ESR1: variants seen among roughly 807,000 people sequenced by gnomAD.
The protein encoded by ESR1 is estrogen receptor 1, also known as estrogen receptor.
A neutral mutation model predicts 52.7 loss-of-function variants in ESR1; 12 were observed. That is an observed-to-expected ratio of 0.23 (90% CI 0.15 to 0.37). The LOEUF (loss-of-function observed/expected upper bound fraction) is 0.37. Ranked by LOEUF, ESR1 falls within the 10% of genes least tolerant of loss-of-function variation. The probability of loss-of-function intolerance (pLI) is 1.00; values close to 1 mark genes in which losing one functional copy is unlikely to be tolerated. For missense variants in ESR1, 584 were observed against 779.7 expected, an observed-to-expected ratio of 0.75 and a Z score of 2.99; for synonymous variants, 305 against 316.8, an observed-to-expected ratio of 0.96 and a Z score of 0.39.
chr6:151,853,443 A>G (rs1326821452), intron 2 of ESR1, among the ~76,000 whole-genome samples: 1 of 152,158 alleles, frequency 6.6e-6, no homozygotes, highest in Non-Finnish European at 1.5e-5. Context: ...ATGCACGCAT[A>G]TATTTGAAGA....
chr6:151,697,699 C>T (rs1000555311), intron 1 of ESR1, among the ~76,000 whole-genome samples: 6 of 152,108 alleles, frequency 3.9e-5, no homozygotes, highest in Admixed American at 3.9e-4. Context: ...ACCTCATTTC[C>T]CTCACAAAAT....
At chr6:152,041,315 C>T (rs1183950097) in intron 5 of ESR1, among the ~76,000 whole-genome samples, 1 of 152,214 alleles carries the variant, frequency 6.6e-6, no homozygotes, top group Non-Finnish European at 1.5e-5. Flanking sequence ...GTTGCAGAGC[C>T]TTCTCTTCTG....
chr6:152,021,527 C>T (rs978743597), intron 5 of ESR1, among the ~76,000 whole-genome samples: 1 of 152,158 alleles, frequency 6.6e-6, no homozygotes, highest in Non-Finnish European at 1.5e-5. Flanking sequence ...GATTGTTACA[C>T]CACAGCAGAG....
chr6:151,910,483 T>G (rs1292787427), intron 3 of ESR1, among the ~76,000 whole-genome samples: 2 of 152,168 alleles, frequency 1.3e-5, no homozygotes, highest in African/African-American at 4.8e-5. Context: ...CAAACTCATT[T>G]GGTTGTGATG....
At chr6:151,951,196 T>C (rs549364041) in intron 4 of ESR1, among the ~76,000 whole-genome samples, 81 of 152,336 alleles carry the variant, frequency 5.3e-4, no homozygotes, top group African/African-American at 1.9e-3. Context: ...TTTGCATCTT[T>C]GATGCATTTG....
rs1400263543 is a variant in ESR1 at position 151,958,937 on chromosome 6, G to A, written c.1096+14429G>A. On this transcript the variant is annotated intron_variant, in intron 4 of 7. Coordinates refer to ENST00000206249, the MANE Select transcript of ESR1 (RefSeq NM_000125.4). Reference sequence around the variant, plus strand: ...ATTCAAAGATGATAAGTTTGAAGTGGAGTTCTACCGCTTCCATTGGAAGAG... The same window carrying A: ...ATTCAAAGATGATAAGTTTGAAGTGAAGTTCTACCGCTTCCATTGGAAGAG... 2.0e-5 allele frequency among the ~76,000 whole-genome samples: 3 copies of A among 150,608 alleles called. No homozygotes were observed. In the East Asian group the frequency reaches 6.0e-4, roughly 30 times the overall value.
chr6:151,949,497 A>T (rs2036088909), intron 4 of ESR1, among the ~76,000 whole-genome samples: 1 of 152,234 alleles, frequency 6.6e-6, no homozygotes, highest in Admixed American at 6.5e-5. Context: ...AGATAACATG[A>T]CATGGACATA....
chr6:151,768,576 A>G (rs2128105658), intron 2 of ESR1, among the ~76,000 whole-genome samples: 1 of 152,308 alleles, frequency 6.6e-6, no homozygotes, highest in Non-Finnish European at 1.5e-5. Context: ...CCTGACTTTG[A>G]TCAAAGCACT....
At chr6:151,683,864 ATTTTTTT>A (rs66983259) in intron 1 of ESR1, among the ~76,000 whole-genome samples, 6 of 118,476 alleles carry the variant, frequency 5.1e-5, no homozygotes, top group Non-Finnish European at 8.6e-5. Context: ...ACGTCTGGCT[ATTTTTTT>A]TTTTTTTTTT....
chr6:151,762,874 A>G (rs1784761017), intron 2 of ESR1, among the ~76,000 whole-genome samples: 1 of 152,182 alleles, frequency 6.6e-6, no homozygotes, highest in East Asian at 1.9e-4. Context: ...TGAGGCAGGA[A>G]AATCGCAGTG....
At chr6:151,917,408 A>G (rs1157487393) in intron 3 of ESR1, among the ~76,000 whole-genome samples, 1 of 152,180 alleles carries the variant, frequency 6.6e-6, no homozygotes, top group Non-Finnish European at 1.5e-5. Context: ...CAGCCCATAA[A>G]TTTTGTTATT....
chr6:151,970,087 C>T (rs549971535), intron 4 of ESR1, among the ~76,000 whole-genome samples: 7 of 152,174 alleles, frequency 4.6e-5, no homozygotes, highest in East Asian at 3.9e-4. Context: ...CCTCTGCCCC[C>T]GGAAAGGCCC....
At chr6:152,122,765 G>A in intron 6 of ESR1, 1 of 1,595,624 alleles carries the variant, frequency 6.3e-7, no homozygotes, top group Non-Finnish European at 8.5e-7. Context: ...GGAAGCTAAA[G>A]GGCCATGCCA....
chr6:151,855,990 C>T (rs1787762302), intron 2 of ESR1, among the ~76,000 whole-genome samples: 1 of 152,098 alleles, frequency 6.6e-6, no homozygotes, highest in Non-Finnish European at 1.5e-5. Flanking sequence ...TTGCACCAAC[C>T]TAATAGAATA....
intron 3 of ESR1, among the ~76,000 whole-genome samples, chr6:151,887,188 C>G (rs1229915998): frequency 6.6e-6 from 1 of 151,838 alleles, no homozygotes; most frequent in Non-Finnish European, 1.5e-5. Flanking sequence ...TCCAAGTTTC[C>G]TCAAAAGGTA....
At chr6:151,656,919 C>G (rs1029205379) in intron 1 of ESR1, among the ~76,000 whole-genome samples, 4 of 152,158 alleles carry the variant, frequency 2.6e-5, no homozygotes, top group Non-Finnish European at 5.9e-5. Flanking sequence ...GATACCAAGA[C>G]AAGGCTGTGG....
At chr6:152,043,199 G>T (rs1025459277) in intron 5 of ESR1, among the ~76,000 whole-genome samples, 4 of 152,108 alleles carry the variant, frequency 2.6e-5, no homozygotes, top group Admixed American at 2.6e-4. Context: ...GGCATTTCCA[G>T]CTCACTCACA....
At chr6:151,922,195 C>G (rs1474253288) in intron 3 of ESR1, among the ~76,000 whole-genome samples, 1 of 152,006 alleles carries the variant, frequency 6.6e-6, no homozygotes, top group Non-Finnish European at 1.5e-5. Context: ...GAAACATGAC[C>G]AAAACAAGCA....
intron 4 of ESR1, among the ~76,000 whole-genome samples, chr6:151,957,472 T>C (rs1218845010): frequency 2.0e-5 from 3 of 152,220 alleles, no homozygotes; most frequent in Non-Finnish European, 2.9e-5. Flanking sequence ...CATGCTTTCA[T>C]GCCTTTCTCT....
Sources: allele counts gnomAD v4.1 joint callset (sites outside exome capture counted in the v4.1 genomes callset), GRCh38; gene constraint gnomAD v4.1.1; transcripts MANE v1.5; gene names NCBI Gene and HGNC (gene_info 2026-07-23, HGNC 2026-07-21).